Variants in GPR39 observed in about 807,000 individuals in gnomAD.
The protein encoded by GPR39 is zinc sensing receptor.
A neutral mutation model predicts 18.4 loss-of-function variants in GPR39; 23 were observed. That is an observed-to-expected ratio of 1.25 (90% confidence interval 0.90 to 1.77). GPR39 has a LOEUF of 1.77. Ranked by LOEUF, GPR39 falls within the 40% of genes most tolerant of loss-of-function variation. The pLI, the probability that GPR39 is intolerant of heterozygous loss-of-function variation, is 0.00. For synonymous variants in GPR39, 280 were observed against 257.9 expected, an observed-to-expected ratio of 1.09 and a Z score of -0.82; for missense variants, 647 against 602.4, an observed-to-expected ratio of 1.07 and a Z score of -0.78.
intron 1 of GPR39, among the ~76,000 whole-genome samples, chr2:132,478,245 TG>T (rs1424429671): frequency 6.6e-6 from 1 of 152,246 alleles, no homozygotes; most frequent in Non-Finnish European, 1.5e-5. Context: ...TTATGTGACT[TG>T]GCATAGAAGG....
intron 1 of GPR39, among the ~76,000 whole-genome samples, chr2:132,550,635 A>G (rs1680026051): frequency 6.6e-6 from 1 of 152,228 alleles, no homozygotes; most frequent in African/African-American, 2.4e-5. Flanking sequence ...AATTTATTTC[A>G]GTTTATCGTT....
At chr2:132,566,780 G>A (rs1202888148) in intron 1 of GPR39, among the ~76,000 whole-genome samples, 4 of 152,114 alleles carry the variant, frequency 2.6e-5, no homozygotes, top group Non-Finnish European at 2.9e-5. Flanking sequence ...AACGTTCCCT[G>A]GTCATTTCCC....
intron 1 of GPR39, among the ~76,000 whole-genome samples, chr2:132,545,356 G>C (rs1161411674): frequency 1.3e-5 from 2 of 152,226 alleles, no homozygotes; most frequent in African/African-American, 4.8e-5. Context: ...ACATTGAGCA[G>C]ACATCATTTG....
intron 1 of GPR39, among the ~76,000 whole-genome samples, chr2:132,438,817 C>T (rs1680380853): frequency 1.3e-5 from 2 of 152,138 alleles, no homozygotes; most frequent in Admixed American, 1.3e-4. Flanking sequence ...CCTGAGGGTA[C>T]ACAGGGCCCA....
chr2:132,543,452 C>G (rs1244512237), intron 1 of GPR39, among the ~76,000 whole-genome samples: 1 of 152,182 alleles, frequency 6.6e-6, no homozygotes, highest in African/African-American at 2.4e-5. Context: ...GTCAGAGGTT[C>G]TCCAGGGTCG....
intron 1 of GPR39, among the ~76,000 whole-genome samples, chr2:132,434,929 C>T (rs544631143): frequency 9.9e-5 from 15 of 152,262 alleles, no homozygotes; most frequent in East Asian, 9.7e-4. Flanking sequence ...GATGACTTGA[C>T]GGAGATGAGT....
chr2:132,459,354 C>T (rs1243521505), intron 1 of GPR39, among the ~76,000 whole-genome samples: 1 of 152,216 alleles, frequency 6.6e-6, no homozygotes, highest in Non-Finnish European at 1.5e-5. Flanking sequence ...TTTTCCAACT[C>T]TCCTGATTCT....
chr2:132,557,087 G>GCC (rs1405384351), intron 1 of GPR39, among the ~76,000 whole-genome samples: 2 of 152,070 alleles, frequency 1.3e-5, no homozygotes, highest in East Asian at 3.9e-4. Flanking sequence ...AGGCCAAGGG[G>GCC]GGGGGCAGAT....
intron 1 of GPR39, among the ~76,000 whole-genome samples, chr2:132,532,908 T>C (rs558302465): frequency 6.6e-6 from 1 of 152,292 alleles, no homozygotes; most frequent in East Asian, 1.9e-4. Context: ...GGACAAGAAC[T>C]GGAAGCATTC....
At chr2:132,527,555 C>T (rs774353985) in intron 1 of GPR39, among the ~76,000 whole-genome samples, 1 of 152,196 alleles carries the variant, frequency 6.6e-6, no homozygotes, top group Non-Finnish European at 1.5e-5. Context: ...ACATTCCTAC[C>T]AACAGTATAA....
chr2:132,616,896 G>T (rs950319526), intron 1 of GPR39, among the ~76,000 whole-genome samples: 1 of 152,160 alleles, frequency 6.6e-6, no homozygotes. Context: ...CCCCGCTCCC[G>T]CCACGGTCCC....
intron 1 of GPR39, among the ~76,000 whole-genome samples, chr2:132,553,311 A>ATG (rs1489334443): frequency 3.9e-4 from 52 of 131,728 alleles, no homozygotes; most frequent in South Asian, 7.7e-4. Context: ...ACATATGTAT[A>ATG]TATGTGTGTG....
chr2:132,593,890 C>T (rs1011525809), intron 1 of GPR39, among the ~76,000 whole-genome samples: 2 of 152,170 alleles, frequency 1.3e-5, no homozygotes, highest in African/African-American at 4.8e-5. Flanking sequence ...GGCAGCTCAT[C>T]TCTGTCCTCC....
chr2:132,463,453 G>T (rs1680869497), intron 1 of GPR39, among the ~76,000 whole-genome samples: 1 of 150,358 alleles, frequency 6.7e-6, no homozygotes, highest in African/African-American at 2.5e-5. Context: ...CTTCTTTAAG[G>T]CTCTTCCCTC....
chr2:132,597,889 A>G (rs1680973638), intron 1 of GPR39, among the ~76,000 whole-genome samples: 1 of 152,182 alleles, frequency 6.6e-6, no homozygotes, highest in South Asian at 2.1e-4. Context: ...TGGGTCACAC[A>G]GGGTCTCCTG....
At position 132,506,950 on chromosome 2, in the gene GPR39, G is replaced by A. The variant is rs559652734; in HGVS notation, c.856+89052G>A. On this transcript the variant is annotated intron_variant, in intron 1 of 1. Transcript: ENST00000329321. ...AAAGATAACCACTTGATAGTTTCAG[G>A]TCTTGCATTTAAGCCTTTAATCTAT... 2.0e-4 allele frequency among the ~76,000 whole-genome samples: 30 copies of A among 151,872 alleles called. No individual in the cohort carries two copies. The South Asian group carries it at 2.5e-3, about 13-fold the overall frequency.
chr2:132,619,651 C>T (rs1465781384), intron 1 of GPR39, among the ~76,000 whole-genome samples: 4 of 152,156 alleles, frequency 2.6e-5, no homozygotes, highest in African/African-American at 9.7e-5. Context: ...CTAGGCACAG[C>T]CTCCTGGGAG....
chr2:132,574,247 A>G (rs2104817110), intron 1 of GPR39, among the ~76,000 whole-genome samples: 1 of 152,292 alleles, frequency 6.6e-6, no homozygotes, highest in Middle Eastern at 3.4e-3. Context: ...CCAGCATTGA[A>G]TATTATTTTT....
intron 1 of GPR39, among the ~76,000 whole-genome samples, chr2:132,451,172 T>TGC (rs960839218): frequency 1.4e-5 from 2 of 140,574 alleles, no homozygotes; most frequent in African/African-American, 5.0e-5. Context: ...TGTGTGTGTG[T>TGC]GTGCACGCGC....
Sources: allele counts gnomAD v4.1 joint callset (sites outside exome capture counted in the v4.1 genomes callset), GRCh38; gene constraint gnomAD v4.1.1; transcripts MANE v1.5; gene names NCBI Gene and HGNC (gene_info 2026-07-23, HGNC 2026-07-21).